The following DYDC2 variants were observed in gnomAD, a reference collection of about 807,000 sequenced individuals.
DYDC2 encodes DPY30 domain-containing protein 2.
Under a neutral mutation model 18.7 loss-of-function variants are expected in DYDC2, and 19 were observed. That is an observed-to-expected ratio of 1.02 (90% CI 0.71 to 1.49). DYDC2 has a LOEUF of 1.49. Ranked by LOEUF, DYDC2 falls within the 40% of genes most tolerant of loss-of-function variation. DYDC2 has a pLI of 0.00. For missense variants in DYDC2, 179 were observed against 205.1 expected, an observed-to-expected ratio of 0.87 and a Z score of 0.78; for synonymous variants, 63 against 67.6, an observed-to-expected ratio of 0.93 and a Z score of 0.34.
intron 4 of DYDC2, 143 bp from the exon 5 acceptor site, chr10:80,366,545 G>A (rs1843842971): frequency 1.1e-6 from 1 of 931,044 alleles, no homozygotes; most frequent in South Asian, 1.7e-5. Flanking sequence ...CTATAGGTTT[G>A]GTTTTATGCT....
chr10:80,352,442 G>A, upstream of DYDC2: 2 of 1,572,392 alleles, frequency 1.3e-6, no homozygotes, highest in Admixed American at 1.9e-5. Flanking sequence ...CCTAGAAGGA[G>A]ATTCCTACTT....
Position 80,366,687 on chromosome 10 carries a change from G to A in DYDC2, c.271-1G>A. ...TTTCGGCTTTTTTGTTTTCTATTTA[G>A]GAACTGACTTCTGAAACTGTTTCCA... On this transcript the variant is annotated splice_acceptor_variant, in intron 4 of 4. Coordinates refer to ENST00000256039, the MANE Select transcript of DYDC2 (RefSeq NM_032372.6). LOFTEE classifies it high-confidence loss of function. The A allele has an allele frequency of 6.3e-7, 1 of 1,593,618 alleles. No homozygotes were observed. Among genetic ancestry groups the A allele is most frequent in the Non-Finnish European group, 8.5e-7 (1 of 1,170,966 alleles).
upstream of DYDC2, chr10:80,351,982 C>T (rs758523226): frequency 1.9e-6 from 3 of 1,614,162 alleles, no homozygotes; most frequent in South Asian, 2.2e-5. Flanking sequence ...CACGCTCCAG[C>T]TTGGCCATTT....
chr10:80,365,483 A>T (rs982128465), intron 4 of DYDC2, among the ~76,000 whole-genome samples: 22 of 152,248 alleles, frequency 1.4e-4, no homozygotes, highest in African/African-American at 5.1e-4. Context: ...GTATTTTTAT[A>T]GAATGAATAG....
At position 80,362,603 on chromosome 10, in the gene DYDC2, A is replaced by C. The variant is rs1353197958; in HGVS notation, c.147+13A>C. On this transcript the variant is annotated intron_variant, in intron 3 of 4. Coordinates refer to ENST00000256039, the MANE Select transcript of DYDC2 (RefSeq NM_032372.6). ...AGCAAAAGAAGAGGTGTGTATGTGC[A>C]CTGGGACTTAGGGAGGGCCCAGCTT... The C allele has an allele frequency of 1.3e-6, 2 of 1,592,646 alleles. No individual in the cohort carries two copies. The highest frequency in any genetic ancestry group is 1.3e-5 in the African/African-American group (1 of 74,452).
At position 80,357,792 on chromosome 10, in the gene DYDC2, G is replaced by A. The variant is rs146081718; in HGVS notation, c.-162-101G>A. On this transcript the variant is annotated intron_variant, in intron 1 of 4. Coordinates refer to ENST00000256039, the MANE Select transcript of DYDC2 (RefSeq NM_032372.6). ...GCAAGAGAGGCCTTAATAGATGTTA[G>A]TTGAGCTAGTAAATGCCAGATTGGG... 88 of 985,644 alleles carry A rather than the reference G, an allele frequency of 8.9e-5. 1 individual carries two copies. The African/African-American group carries it at 1.5e-3, about 16-fold the overall frequency. The allele number at this position is 985,644 out of a possible 1,614,324, so 61.1% of individuals were successfully genotyped here. A position where few individuals can be genotyped will look rare whatever the true frequency, so the allele number is the denominator to read the frequency against.
chr10:80,364,813 C>T (rs1473214609), intron 4 of DYDC2, among the ~76,000 whole-genome samples: 1 of 152,128 alleles, frequency 6.6e-6, no homozygotes, highest in African/African-American at 2.4e-5. Flanking sequence ...CAAGAGTGAT[C>T]TAAAATGAAG....
intron 1 of DYDC2, among the ~76,000 whole-genome samples, chr10:80,350,487 G>A (rs754567710): frequency 2.0e-5 from 3 of 152,132 alleles, no homozygotes; most frequent in Non-Finnish European, 2.9e-5. Flanking sequence ...TTGGATGACA[G>A]TTGACACCCA....
At chr10:80,345,289 T>C (rs1842544997) in intron 1 of DYDC2, among the ~76,000 whole-genome samples, 1 of 152,174 alleles carries the variant, frequency 6.6e-6, no homozygotes, top group Non-Finnish European at 1.5e-5. Flanking sequence ...TATTATGAAT[T>C]TTTGAGCTCA....
At chr10:80,356,695 C>T (rs1453033773), upstream of DYDC2, 1 of 984,304 alleles carries the variant, frequency 1.0e-6, no homozygotes, top group East Asian at 1.1e-4. Context: ...CAGTTCGGGC[C>T]TTTCCGGTGC....
intron 1 of DYDC2, among the ~76,000 whole-genome samples, chr10:80,345,646 AT>A (rs200935252): frequency 4.4e-4 from 65 of 148,292 alleles, no homozygotes; most frequent in South Asian, 4.1e-3. Flanking sequence ...TGTATTCAAC[AT>A]TTTTTTTTTA....
intron 4 of DYDC2, among the ~76,000 whole-genome samples, chr10:80,364,260 T>A (rs1267020476): frequency 6.6e-6 from 1 of 152,198 alleles, no homozygotes; most frequent in African/African-American, 2.4e-5. Flanking sequence ...GTAAATAAAT[T>A]AAATCAAAAG....
At chr10:80,356,262 A>G (rs547603776), upstream of DYDC2, 6 of 985,514 alleles carry the variant, frequency 6.1e-6, no homozygotes, top group East Asian at 5.7e-4. Flanking sequence ...ACCAATAGGC[A>G]TCTTGGCTCA....
At chr10:80,358,752 A>C (rs185833759) in intron 2 of DYDC2, among the ~76,000 whole-genome samples, 1 of 152,212 alleles carries the variant, frequency 6.6e-6, no homozygotes, top group African/African-American at 2.4e-5. Flanking sequence ...ACAAGTCCCA[A>C]TGTGTCCAGA....
At chr10:80,354,561 G>A (rs931920260), upstream of DYDC2, 4 of 150,922 alleles carry the variant, frequency 2.7e-5, no homozygotes, top group African/African-American at 9.8e-5. Context: ...CAAAACTATT[G>A]TGAATTGAAT....
chr10:80,354,914 AAC>A (rs1475005432), upstream of DYDC2, among the ~76,000 whole-genome samples: 1 of 152,188 alleles, frequency 6.6e-6, no homozygotes, highest in Non-Finnish European at 1.5e-5. Flanking sequence ...CTAAAACAAA[AAC>A]AGTCTCTGCC....
chr10:80,363,211 T>C, intron 4 of DYDC2, 138 bp downstream of exon 4: 1 of 758,908 alleles, frequency 1.3e-6, no homozygotes, highest in Non-Finnish European at 2.0e-6. Context: ...GTGCAAGTAT[T>C]CACATATTTG....
chr10:80,359,773 G>A (rs945451321), intron 2 of DYDC2, among the ~76,000 whole-genome samples: 2 of 152,308 alleles, frequency 1.3e-5, no homozygotes, highest in African/African-American at 4.8e-5. Flanking sequence ...AGTGCTGGCC[G>A]GCTGATCCGA....
chr10:80,350,365 G>A (rs1013674487), intron 1 of DYDC2, among the ~76,000 whole-genome samples: 3 of 152,144 alleles, frequency 2.0e-5, no homozygotes, highest in African/African-American at 4.8e-5. Flanking sequence ...GAGAACCTCT[G>A]GGAATTCTCT....
Sources: gnomAD v4.1 joint callset for allele counts (sites outside exome capture counted in the v4.1 genomes callset) on GRCh38, gnomAD v4.1.1 for gene constraint, MANE v1.5 for transcripts, NCBI Gene and HGNC (gene_info 2026-07-23, HGNC 2026-07-21) for gene names.